Variants in UBL3 observed in about 807,000 individuals in gnomAD.
The protein encoded by UBL3 is ubiquitin like 3, also known as ubiquitin-like protein 3.
UBL3 carries 6 observed loss-of-function variants against 18.4 expected under a neutral mutation model. That is an observed-to-expected ratio of 0.33 (90% CI 0.18 to 0.64). UBL3 has a LOEUF of 0.64. UBL3 is among the 30% of genes least tolerant of loss of function. The pLI is 0.76. For synonymous variants in UBL3, 49 were observed against 46.6 expected, an observed-to-expected ratio of 1.05 and a Z score of -0.21; for missense variants, 109 against 142.9, an observed-to-expected ratio of 0.76 and a Z score of 1.21.
intron 1 of UBL3, among the ~76,000 whole-genome samples, chr13:29,826,345 T>C (rs1351923037): frequency 6.6e-6 from 1 of 152,202 alleles, no homozygotes; most frequent in Non-Finnish European, 1.5e-5. Context: ...TTTTGGTTGG[T>C]AAGCTATTAA....
intron 1 of UBL3, among the ~76,000 whole-genome samples, chr13:29,807,088 T>A (rs1877917427): frequency 6.6e-6 from 1 of 152,236 alleles, no homozygotes; most frequent in Admixed American, 6.5e-5. Context: ...AATTTGGGCA[T>A]TTGAATCTGA....
At chr13:29,838,286 T>C (rs1446383569) in intron 1 of UBL3, among the ~76,000 whole-genome samples, 1 of 152,144 alleles carries the variant, frequency 6.6e-6, no homozygotes, top group Non-Finnish European at 1.5e-5. Flanking sequence ...AGGGAATTCA[T>C]TACCAGAAGA....
intron 1 of UBL3, among the ~76,000 whole-genome samples, chr13:29,835,330 C>T (rs12875231): frequency 0.1 from 15,172 of 149,630 alleles, 941 homozygotes; most frequent in African/African-American, 0.17. Flanking sequence ...TCAGGAAAAG[C>T]TTCTCTGAAG....
intron 1 of UBL3, among the ~76,000 whole-genome samples, chr13:29,798,418 A>G (rs1877671651): frequency 6.6e-6 from 1 of 152,146 alleles, no homozygotes; most frequent in Non-Finnish European, 1.5e-5. Context: ...GGGCCATTAG[A>G]AAGAAAGAGA....
At chr13:29,817,571 G>A (rs182167634) in intron 1 of UBL3, among the ~76,000 whole-genome samples, 4 of 152,224 alleles carry the variant, frequency 2.6e-5, no homozygotes, top group Non-Finnish European at 4.4e-5. Flanking sequence ...AAAGGAAAGC[G>A]TTTCTGGAGG....
At chr13:29,770,995 A>G (rs1395279428) in intron 3 of UBL3, among the ~76,000 whole-genome samples, 1 of 152,034 alleles carries the variant, frequency 6.6e-6, no homozygotes, top group Non-Finnish European at 1.5e-5. Context: ...GCATTCATCT[A>G]CTTTAGCCCT....
At chr13:29,824,906 GTTTCAGC>G (rs1878577274) in intron 1 of UBL3, among the ~76,000 whole-genome samples, 1 of 152,174 alleles carries the variant, frequency 6.6e-6, no homozygotes, top group Non-Finnish European at 1.5e-5. Context: ...AAGGGATCCA[GTTTCAGC>G]TTTCTACATA....
chr13:29,765,262 AAT>A lies in UBL3; in HGVS notation c.*1991_*1992del, dbSNP rs1369509505. The A allele has an allele frequency of 1.3e-5, 2 of 152,218 alleles. No homozygotes were observed. The highest frequency in any genetic ancestry group is 2.4e-5 in the African/African-American group (1 of 41,468). The allele number at this position is 152,218 out of a possible 1,614,324, so 9.4% of individuals were successfully genotyped here. On this transcript the variant is annotated 3_prime_UTR_variant, in exon 5 of 5. Transcript: ENST00000380680. ...TAATTACCAGTAGTTTGTTTTACAA[AAT>A]AGAGCCATAAATTGTTTAATTGCCC... is the stretch of plus-strand genomic sequence containing the variant.
chr13:29,785,666 T>C (rs1478156359), intron 1 of UBL3, among the ~76,000 whole-genome samples: 2 of 152,228 alleles, frequency 1.3e-5, no homozygotes, highest in African/African-American at 4.8e-5. Context: ...ATTCAAACAA[T>C]TGCAGCGCTA....
chr13:29,819,250 C>G (rs1400566041), intron 1 of UBL3, among the ~76,000 whole-genome samples: 1 of 152,188 alleles, frequency 6.6e-6, no homozygotes, highest in Non-Finnish European at 1.5e-5. Flanking sequence ...TAAATATAAT[C>G]TGAGAGAGTT....
chr13:29,825,001 A>G (rs1565998834), intron 1 of UBL3, among the ~76,000 whole-genome samples: 1 of 152,178 alleles, frequency 6.6e-6, no homozygotes, highest in East Asian at 1.9e-4. Flanking sequence ...AGGTTTGTCA[A>G]AGATCAGATG....
chr13:29,828,376 T>A (rs1278079195), intron 1 of UBL3, among the ~76,000 whole-genome samples: 1 of 152,126 alleles, frequency 6.6e-6, no homozygotes, highest in East Asian at 1.9e-4. Context: ...CTTTGTTCGT[T>A]TTTTACTCTT....
intron 1 of UBL3, among the ~76,000 whole-genome samples, chr13:29,819,444 A>G (rs555075354): frequency 6.6e-6 from 1 of 152,352 alleles, no homozygotes; most frequent in South Asian, 2.1e-4. Context: ...TGAATACAAC[A>G]TTTGGCCAAG....
intron 1 of UBL3, among the ~76,000 whole-genome samples, chr13:29,783,769 A>T (rs1199888815): frequency 1.3e-5 from 2 of 152,210 alleles, no homozygotes; most frequent in African/African-American, 4.8e-5. Flanking sequence ...AAATACATTT[A>T]AAAACCTCTG....
chr13:29,771,999 A>C (rs886820839), intron 3 of UBL3, 113 bp downstream of exon 3: 1 of 917,886 alleles, frequency 1.1e-6, no homozygotes, highest in Non-Finnish European at 1.7e-6. Flanking sequence ...GGCAGAATTC[A>C]TAGTTTGAAT....
chr13:29,842,751 A>G (rs1336524640), intron 1 of UBL3, among the ~76,000 whole-genome samples: 3 of 151,102 alleles, frequency 2.0e-5, no homozygotes, highest in African/African-American at 7.3e-5. Flanking sequence ...TAATTTTTTT[A>G]TCACCTAAGC....
At chr13:29,787,617 A>G (rs951518305) in intron 1 of UBL3, among the ~76,000 whole-genome samples, 2 of 152,204 alleles carry the variant, frequency 1.3e-5, no homozygotes, top group Non-Finnish European at 2.9e-5. Flanking sequence ...ATACAAGGTA[A>G]CAGCTTTAAC....
chr13:29,826,691 C>T (rs1215684927), intron 1 of UBL3, among the ~76,000 whole-genome samples: 6 of 152,092 alleles, frequency 3.9e-5, no homozygotes, highest in African/African-American at 1.2e-4. Context: ...TCCTTCAGTT[C>T]TGCTCTGATC....
At chr13:29,803,290 T>C (rs1877818062) in intron 1 of UBL3, among the ~76,000 whole-genome samples, 2 of 151,912 alleles carry the variant, frequency 1.3e-5, no homozygotes, top group African/African-American at 4.8e-5. Context: ...AGAAGACCAT[T>C]ACTAGCCACT....
Sources: gnomAD v4.1 joint callset for allele counts (sites outside exome capture counted in the v4.1 genomes callset) on GRCh38, gnomAD v4.1.1 for gene constraint, MANE v1.5 for transcripts, NCBI Gene and HGNC (gene_info 2026-07-23, HGNC 2026-07-21) for gene names.